Variants in ASCC3 observed in about 807,000 individuals in gnomAD.
ASCC3 encodes activating signal cointegrator 1 complex subunit 3.
ASCC3 carries 158 observed loss-of-function variants against 256.3 expected under a neutral mutation model. The ratio of observed to expected loss-of-function variants is 0.62; its 90% CI spans 0.54 to 0.70. The LOEUF is 0.70. ASCC3 is among the 30% of genes least tolerant of loss of function. ASCC3 has a pLI of 0.00. For synonymous variants in ASCC3, 948 were observed against 883.4 expected (o/e 1.07, Z -1.30); for missense variants, 2,259 against 2,626.0 (o/e 0.86, Z 3.05).
chr6:100,679,273 T>C (rs1268404126), intron 14 of ASCC3, among the ~76,000 whole-genome samples: 2 of 151,034 alleles, frequency 1.3e-5, no homozygotes, highest in African/African-American at 4.9e-5. Context: ...AAATCAAAAC[T>C]GAGAAATTTT....
intron 36 of ASCC3, among the ~76,000 whole-genome samples, chr6:100,584,796 C>T (rs1771552964): frequency 1.3e-5 from 2 of 152,202 alleles, no homozygotes; most frequent in Admixed American, 1.3e-4. Flanking sequence ...CAAAATCTCT[C>T]AGCATTTGCT....
chr6:100,851,914 AC>A (rs955910962), intron 3 of ASCC3, among the ~76,000 whole-genome samples: 1 of 151,902 alleles, frequency 6.6e-6, no homozygotes, highest in African/African-American at 2.4e-5. Flanking sequence ...TCCTGCAACC[AC>A]CCCGGCTTGT....
At chr6:100,817,664 T>C (rs1306548580) in intron 4 of ASCC3, among the ~76,000 whole-genome samples, 3 of 152,032 alleles carry the variant, frequency 2.0e-5, no homozygotes, top group African/African-American at 4.8e-5. Flanking sequence ...CAATATATTA[T>C]ATACATTAGA....
chr6:100,612,990 C>T (rs1773482480), intron 30 of ASCC3, among the ~76,000 whole-genome samples: 1 of 151,602 alleles, frequency 6.6e-6, no homozygotes, highest in Non-Finnish European at 1.5e-5. Flanking sequence ...TAAATCTTTG[C>T]TATTTTGCCA....
intron 6 of ASCC3, among the ~76,000 whole-genome samples, chr6:100,800,072 T>C (rs1219763830): frequency 1.3e-5 from 2 of 152,132 alleles, no homozygotes; most frequent in African/African-American, 2.4e-5. Flanking sequence ...AGCTCTATAA[T>C]CTAAATCTCT....
chr6:100,800,528 C>T (rs1169807767), intron 5 of ASCC3, 24 bp from the exon 6 acceptor site: 1 of 1,522,536 alleles, frequency 6.6e-7, no homozygotes, highest in Non-Finnish European at 9.0e-7. Flanking sequence ...TTAAGAAACA[C>T]AATGTTTTAT....
intron 10 of ASCC3, among the ~76,000 whole-genome samples, chr6:100,740,297 CTG>C (rs1052377683): frequency 6.6e-6 from 1 of 152,134 alleles, no homozygotes; most frequent in African/African-American, 2.4e-5. Context: ...GTCTGAAAGA[CTG>C]TTGATTATGA....
intron 3 of ASCC3, 39 bp downstream of exon 3, chr6:100,864,025 T>C: frequency 7.0e-7 from 1 of 1,432,572 alleles, no homozygotes; most frequent in South Asian, 1.3e-5. Context: ...ACCTTACTGG[T>C]TCTCTTTAAA....
intron 4 of ASCC3, among the ~76,000 whole-genome samples, chr6:100,816,070 C>T (rs1770730905): frequency 6.6e-6 from 1 of 151,756 alleles, no homozygotes; most frequent in African/African-American, 2.4e-5. Context: ...AAGCAAAAGA[C>T]AAACAATCCC....
In ASCC3 at chr6:100,813,971, C is replaced by A. The variant is rs549927038; in HGVS notation, c.802-8091G>T. Among the ~76,000 whole-genome samples, 130 of 152,138 alleles carry A rather than the reference C, an allele frequency of 8.5e-4. 1 individual carries two copies. The highest frequency in any genetic ancestry group is 1.4e-3 in the Non-Finnish European group (94 of 67,996). ...TGACTGATTGCTCTGGGTAGGATGT[C>A]CAATACTAAGTTGAATAGGTGAGAG... On this transcript the variant is annotated intron_variant, in intron 4 of 41. Coordinates refer to ENST00000369162, the MANE Select transcript of ASCC3 (RefSeq NM_006828.4).
chr6:100,738,658 C>T (rs771282743), intron 10 of ASCC3, among the ~76,000 whole-genome samples: 33 of 152,184 alleles, frequency 2.2e-4, no homozygotes, highest in Non-Finnish European at 1.8e-4. Context: ...ACGATGCCTC[C>T]AGCTTTGTTC....
chr6:100,614,061 T>C lies in ASCC3; in HGVS notation c.4786-6973A>G, dbSNP rs940270480. Among the ~76,000 whole-genome samples the C allele has an allele frequency of 5.3e-5, 8 of 152,278 alleles. 1 individual carries two copies. The South Asian group carries it at 1.0e-3, about 20-fold the overall frequency. On this transcript the variant is annotated intron_variant, in intron 30 of 41. Coordinates refer to ENST00000369162, the MANE Select transcript of ASCC3 (RefSeq NM_006828.4). ...ATTAAAGATTTTTTCTTATTCATGT[T>C]TTTAATTTAATTTGGCACGCTGTTG...
At chr6:100,673,616 A>G (rs1266867376) in intron 14 of ASCC3, among the ~76,000 whole-genome samples, 4 of 152,210 alleles carry the variant, frequency 2.6e-5, no homozygotes, top group Non-Finnish European at 5.9e-5. Flanking sequence ...TGTTCTTTAA[A>G]AAGAGTCTCA....
intron 8 of ASCC3, among the ~76,000 whole-genome samples, chr6:100,768,549 G>T (rs953682338): frequency 1.3e-5 from 2 of 152,116 alleles, no homozygotes; most frequent in Non-Finnish European, 2.9e-5. Flanking sequence ...CTAAACATTT[G>T]TATACCTAAT....
chr6:100,843,236 A>C (rs1772230630), intron 4 of ASCC3, among the ~76,000 whole-genome samples: 1 of 152,190 alleles, frequency 6.6e-6, no homozygotes, highest in Admixed American at 6.5e-5. Flanking sequence ...CAATGCAAAT[A>C]AGTTCCAAAA....
At chr6:100,667,742 T>C (rs1776554936) in intron 14 of ASCC3, among the ~76,000 whole-genome samples, 1 of 151,842 alleles carries the variant, frequency 6.6e-6, no homozygotes, top group Non-Finnish European at 1.5e-5. Flanking sequence ...ATGAGGAGAG[T>C]CAATGATTGC....
At chr6:100,772,728 C>T (rs1403020284) in intron 8 of ASCC3, among the ~76,000 whole-genome samples, 1 of 152,194 alleles carries the variant, frequency 6.6e-6, no homozygotes, top group East Asian at 1.9e-4. Flanking sequence ...TTTCAGGATA[C>T]TGGGCTTACA....
At chr6:100,688,655 T>G (rs533035345) in intron 13 of ASCC3, among the ~76,000 whole-genome samples, 1 of 152,320 alleles carries the variant, frequency 6.6e-6, no homozygotes, top group South Asian at 2.1e-4. Flanking sequence ...TCTTTTATTT[T>G]TGACTATTTT....
intron 16 of ASCC3, 21 bp downstream of exon 16, chr6:100,661,785 C>A (rs1479648508): frequency 2.5e-6 from 4 of 1,606,788 alleles, no homozygotes; most frequent in Non-Finnish European, 3.4e-6. Context: ...CTATTCCAAA[C>A]TTTTACTCAT....
Sources: allele counts gnomAD v4.1 joint callset (sites outside exome capture counted in the v4.1 genomes callset), GRCh38; gene constraint gnomAD v4.1.1; transcripts MANE v1.5; gene names NCBI Gene and HGNC (gene_info 2026-07-23, HGNC 2026-07-21).